ZCCHC17: variants seen among roughly 807,000 people sequenced by gnomAD.
ZCCHC17 encodes the protein zinc finger CCHC domain-containing protein 17.
ZCCHC17 carries 18 observed loss-of-function variants against 30.6 expected under a neutral mutation model. That is an observed-to-expected ratio of 0.59 (90% confidence interval 0.41 to 0.87). ZCCHC17 has a LOEUF of 0.87. Among genes scored for constraint, ZCCHC17 ranks in the 40% least tolerant of loss-of-function variants. The probability of loss-of-function intolerance (pLI) is 0.00; values close to 1 mark genes in which losing one functional copy is unlikely to be tolerated. For missense variants in ZCCHC17, 263 were observed against 284.2 expected (o/e 0.93, Z 0.54); for synonymous variants, 88 against 92.4 (o/e 0.95, Z 0.27).
intron 7 of ZCCHC17, among the ~76,000 whole-genome samples, chr1:31,363,619 C>G (rs762824471): frequency 2.0e-5 from 3 of 152,054 alleles, no homozygotes; most frequent in Admixed American, 6.5e-5. Flanking sequence ...TGGAGAAACC[C>G]AACTCCATAA....
chr1:31,319,330 G>T (rs760997580), intron 3 of ZCCHC17, among the ~76,000 whole-genome samples, 164 bp downstream of exon 3: 17 of 152,060 alleles, frequency 1.1e-4, no homozygotes, highest in African/African-American at 4.1e-4. Context: ...CATTTTTAGC[G>T]GGCAGAGAAT....
chr1:31,359,444 T>G (rs1639779311), intron 7 of ZCCHC17, among the ~76,000 whole-genome samples: 1 of 152,114 alleles, frequency 6.6e-6, no homozygotes, highest in Admixed American at 6.5e-5. Flanking sequence ...GAGAATTGCC[T>G]GAACCCAGGA....
chr1:31,335,352 T>C (rs552000950), intron 3 of ZCCHC17, among the ~76,000 whole-genome samples: 2 of 152,360 alleles, frequency 1.3e-5, no homozygotes, highest in African/African-American at 4.8e-5. Flanking sequence ...TTGCTATAAG[T>C]GTTTTATTAA....
intron 3 of ZCCHC17, 36 bp downstream of exon 3, chr1:31,319,202 T>G: frequency 2.5e-6 from 4 of 1,569,210 alleles, no homozygotes; most frequent in Non-Finnish European, 2.6e-6. Flanking sequence ...GCCCTCTGAT[T>G]CTACTCTCTG....
At chr1:31,304,575 G>A (rs987122802) in intron 1 of ZCCHC17, among the ~76,000 whole-genome samples, 2 of 150,100 alleles carry the variant, frequency 1.3e-5, no homozygotes, top group East Asian at 2.0e-4. Flanking sequence ...GTGAGCCACC[G>A]TGCCTGGCTC....
intron 1 of ZCCHC17, among the ~76,000 whole-genome samples, chr1:31,307,137 ATT>A (rs546484387): frequency 1.4e-5 from 2 of 143,068 alleles, no homozygotes; most frequent in African/African-American, 2.6e-5. Context: ...TGCCTGGCTG[ATT>A]TTTTTTTTTT....
At chr1:31,348,112 G>A (rs1236339917) in intron 6 of ZCCHC17, among the ~76,000 whole-genome samples, 3 of 152,192 alleles carry the variant, frequency 2.0e-5, no homozygotes, top group African/African-American at 4.8e-5. Context: ...ATAATGAGAG[G>A]TGGAATTTGT....
At chr1:31,343,017 A>C (rs1639103435) in intron 5 of ZCCHC17, among the ~76,000 whole-genome samples, 1 of 152,216 alleles carries the variant, frequency 6.6e-6, no homozygotes, top group Non-Finnish European at 1.5e-5. Context: ...GGAAGGCTTG[A>C]AAGATAATTT....
At chr1:31,361,849 T>C (rs150482869) in intron 7 of ZCCHC17, among the ~76,000 whole-genome samples, 45 of 152,194 alleles carry the variant, frequency 3.0e-4, no homozygotes, top group African/African-American at 1.1e-3. Context: ...TCTTGCTCAG[T>C]TGCCCAGCCT....
chr1:31,363,556 C>G, intron 7 of ZCCHC17, among the ~76,000 whole-genome samples: 1 of 152,148 alleles, frequency 6.6e-6, no homozygotes, highest in African/African-American at 2.4e-5. Flanking sequence ...CTTCGGGAGG[C>G]CAAGGTGGGC....
rs1354217149 is a variant in ZCCHC17 at position 31,348,897 on chromosome 1, G to A, written c.487G>A (p.Glu163Lys). 2 of 1,613,456 alleles carry A rather than the reference G, an allele frequency of 1.2e-6. No homozygotes were observed. Among genetic ancestry groups the A allele is most frequent in the South Asian group, 2.2e-5 (2 of 90,984 alleles). ...TKYSLIPDEE[E>K]EKEEAKSAEF... ...ATACTCTCTGATACCTGATGAGGAA[G>A]AGGAAAAGGAAGAGGCAAAGTCAGC... The change falls in exon 7 of 8, where the codon GAG becomes AAG. Residue 163 changes from glutamate to lysine, a missense_variant. By Grantham distance (56) the Glu-to-Lys change is moderately conservative. Transcript: ENST00000344147.
intron 2 of ZCCHC17, among the ~76,000 whole-genome samples, 175 bp downstream of exon 2, chr1:31,310,339 A>C (rs1327045646): frequency 6.6e-6 from 1 of 152,246 alleles, no homozygotes; most frequent in African/African-American, 2.4e-5. Flanking sequence ...CAGATATTTA[A>C]GTGCGTAGTT....
At chr1:31,310,802 C>T (rs1646582408) in intron 2 of ZCCHC17, among the ~76,000 whole-genome samples, 2 of 152,198 alleles carry the variant, frequency 1.3e-5, no homozygotes, top group Non-Finnish European at 2.9e-5. Flanking sequence ...ATGTTTTCAC[C>T]TCAACAAATA....
Position 31,364,861 on chromosome 1 carries a change from T to G in ZCCHC17, c.*668T>G, listed in dbSNP as rs1330305959. 1.3e-5 allele frequency: 2 copies of G among 152,282 alleles called. No individual in the cohort carries two copies. Among genetic ancestry groups the G allele is most frequent in the Non-Finnish European group, 2.9e-5 (2 of 68,054 alleles). 9.4% of individuals were successfully genotyped at this position (152,282 alleles called of 1,614,324 possible). A position where few individuals can be genotyped will look rare whatever the true frequency, so the allele number is the denominator to read the frequency against. ...CATTGTTCTACTTTGTATTTACTAC[T>G]GTGTGAATCAGTTGATTCTACTTCA... On this transcript the variant is annotated 3_prime_UTR_variant, in exon 8 of 8. Coordinates refer to ENST00000344147, the MANE Select transcript of ZCCHC17 (RefSeq NM_016505.4).
chr1:31,318,303 A>C, intron 2 of ZCCHC17: 1 of 1,329,914 alleles, frequency 7.5e-7, no homozygotes, highest in Non-Finnish European at 1.0e-6. Context: ...TATAGTGACA[A>C]CATTACCCTC....
At chr1:31,348,714 C>A (rs1037061123) in intron 6 of ZCCHC17, 115 bp from the exon 7 acceptor site, 3 of 1,283,966 alleles carry the variant, frequency 2.3e-6, no homozygotes, top group South Asian at 1.3e-5. Flanking sequence ...TTTGAATGAA[C>A]TCAACAATAT....
intron 3 of ZCCHC17, among the ~76,000 whole-genome samples, chr1:31,323,064 CT>C (rs1286555283): frequency 6.6e-6 from 1 of 152,106 alleles, no homozygotes; most frequent in Non-Finnish European, 1.5e-5. Flanking sequence ...GTTGATTTCT[CT>C]GTTTCTGAAG....
chr1:31,351,937 A>T (rs1250201412), intron 7 of ZCCHC17, among the ~76,000 whole-genome samples: 1 of 152,168 alleles, frequency 6.6e-6, no homozygotes, highest in African/African-American at 2.4e-5. Flanking sequence ...CCAAATCTGC[A>T]TTGCTATTCT....
intron 1 of ZCCHC17, among the ~76,000 whole-genome samples, chr1:31,308,657 C>A (rs188851886): frequency 6.6e-6 from 1 of 152,106 alleles, no homozygotes; most frequent in Admixed American, 6.6e-5. Flanking sequence ...GTTTAAGAGC[C>A]GCTAGATTGC....
Sources: allele counts gnomAD v4.1 joint callset (sites outside exome capture counted in the v4.1 genomes callset), GRCh38; gene constraint gnomAD v4.1.1; transcripts MANE v1.5; gene names NCBI Gene and HGNC (gene_info 2026-07-23, HGNC 2026-07-21).